LINGO1: variants seen among roughly 807,000 people sequenced by gnomAD.
LINGO1 encodes leucine-rich repeat and immunoglobulin-like domain-containing nogo receptor-interacting protein 1.
LINGO1 carries 11 observed loss-of-function variants against 37.3 expected under a neutral mutation model. That is an observed-to-expected ratio of 0.29 (90% CI 0.19 to 0.49). LINGO1 has a LOEUF of 0.49. Ranked by LOEUF, LINGO1 falls within the 20% of genes least tolerant of loss-of-function variation. The pLI is 0.99. For missense variants in LINGO1, 585 were observed against 878.2 expected, an observed-to-expected ratio of 0.67 and a Z score of 4.22; for synonymous variants, 387 against 403.0, an observed-to-expected ratio of 0.96 and a Z score of 0.48.
chr15:77,709,316 C>G (rs1406978230), intron 2 of LINGO1, among the ~76,000 whole-genome samples: 2 of 152,206 alleles, frequency 1.3e-5, no homozygotes, highest in African/African-American at 4.8e-5. Context: ...GCCCCCAGTA[C>G]TCTGGACAGC....
chr15:77,650,339 G>A (rs1350045854), intron 3 of LINGO1, among the ~76,000 whole-genome samples: 1 of 152,234 alleles, frequency 6.6e-6, no homozygotes, highest in Non-Finnish European at 1.5e-5. Context: ...TACATATTAT[G>A]TGTCGAAAGG....
At chr15:77,723,318 AG>A (rs2076069813) in intron 2 of LINGO1, among the ~76,000 whole-genome samples, 2 of 152,210 alleles carry the variant, frequency 1.3e-5, no homozygotes, top group African/African-American at 4.8e-5. Context: ...GTAAGCAGGC[AG>A]GCCTCCTGCT....
chr15:77,777,886 G>GT (rs2076677396), intron 1 of LINGO1, among the ~76,000 whole-genome samples: 1 of 140,952 alleles, frequency 7.1e-6, no homozygotes, highest in African/African-American at 2.5e-5. Flanking sequence ...TTGTGCCACT[G>GT]TATTTCCTGT....
chr15:77,723,828 G>T (rs1468314823), intron 2 of LINGO1, among the ~76,000 whole-genome samples: 1 of 152,214 alleles, frequency 6.6e-6, no homozygotes, highest in Non-Finnish European at 1.5e-5. Flanking sequence ...CACAGGTGGG[G>T]GAGGGGGCAA....
chr15:77,709,216 C>CGT (rs2141289397), intron 2 of LINGO1, among the ~76,000 whole-genome samples: 1 of 152,332 alleles, frequency 6.6e-6, no homozygotes, highest in Admixed American at 6.5e-5. Context: ...GTTCTAACAA[C>CGT]TGCAACTATC....
chr15:77,815,980 G>A (rs1277201561), intron 1 of LINGO1, among the ~76,000 whole-genome samples: 1 of 152,060 alleles, frequency 6.6e-6, no homozygotes, highest in African/African-American at 2.4e-5. Context: ...TGCCAGTGCC[G>A]TGCCATCTTC....
intron 1 of LINGO1, among the ~76,000 whole-genome samples, chr15:77,776,538 G>GCAGTA: frequency 2.9e-5 from 1 of 34,350 alleles, no homozygotes; most frequent in Non-Finnish European, 6.9e-5. Flanking sequence ...GGGAGGGAGG[G>GCAGTA]AGGGAGGGAG....
intron 1 of LINGO1, among the ~76,000 whole-genome samples, chr15:77,763,195 T>G (rs1056251113): frequency 2.0e-5 from 3 of 152,278 alleles, no homozygotes; most frequent in African/African-American, 7.2e-5. Flanking sequence ...TTCGCCTAAT[T>G]AAGCAGTTTA....
intron 1 of LINGO1, among the ~76,000 whole-genome samples, chr15:77,630,413 C>T (rs1278186780): frequency 1.3e-5 from 2 of 152,216 alleles, no homozygotes; most frequent in Non-Finnish European, 2.9e-5. Flanking sequence ...CAACCACCCA[C>T]CTCCACAAGA....
chr15:77,789,706 GGA>G (rs2076803401), upstream of LINGO1, among the ~76,000 whole-genome samples: 1 of 152,224 alleles, frequency 6.6e-6, no homozygotes, highest in Non-Finnish European at 1.5e-5. Context: ...TACAAGCCAA[GGA>G]GAGAGGCCTG....
intron 1 of LINGO1, among the ~76,000 whole-genome samples, chr15:77,754,813 C>T (rs928580025): frequency 5.9e-5 from 9 of 152,222 alleles, no homozygotes; most frequent in African/African-American, 7.2e-5. Flanking sequence ...GTCCGGTAGG[C>T]AGAAGATGGC....
At chr15:77,802,650 C>T (rs897337257) in intron 1 of LINGO1, among the ~76,000 whole-genome samples, 5 of 152,114 alleles carry the variant, frequency 3.3e-5, no homozygotes, top group Admixed American at 1.3e-4. Flanking sequence ...CGTGTTCCAC[C>T]TGCCTCCAGG....
At chr15:77,673,852 G>A (rs1567511791) in intron 3 of LINGO1, among the ~76,000 whole-genome samples, 2 of 152,212 alleles carry the variant, frequency 1.3e-5, no homozygotes, top group Admixed American at 1.3e-4. Context: ...GCTAGGGCTG[G>A]CTCACAGATG....
At chr15:77,723,460 C>T (rs867053241) in intron 2 of LINGO1, among the ~76,000 whole-genome samples, 2 of 152,222 alleles carry the variant, frequency 1.3e-5, no homozygotes, top group South Asian at 2.1e-4. Flanking sequence ...CCGAGGCTGA[C>T]GTCTCTGCGT....
intron 1 of LINGO1, among the ~76,000 whole-genome samples, chr15:77,772,569 C>T (rs72730718): frequency 0.042 from 6,348 of 152,126 alleles, 195 homozygotes; most frequent in Middle Eastern, 0.099. Flanking sequence ...TCCATAGACT[C>T]GGCTGGGGGC....
At chr15:77,617,930 C>T (rs1489798873) in intron 1 of LINGO1, among the ~76,000 whole-genome samples, 1 of 152,214 alleles carries the variant, frequency 6.6e-6, no homozygotes, top group Non-Finnish European at 1.5e-5. Flanking sequence ...CTGACCCTCC[C>T]TTCAGCCCCT....
upstream of LINGO1, among the ~76,000 whole-genome samples, chr15:77,634,913 G>A (rs2074366448): frequency 1.3e-5 from 2 of 152,246 alleles, no homozygotes; most frequent in Admixed American, 1.3e-4. Context: ...TGGGGGGCGG[G>A]GGCGGGGGCG....
At chr15:77,720,384 A>G (rs1246485249) in intron 2 of LINGO1, among the ~76,000 whole-genome samples, 2 of 152,190 alleles carry the variant, frequency 1.3e-5, no homozygotes, top group African/African-American at 4.8e-5. Context: ...CTCTGCCTGC[A>G]TCCGCCCCCA....
At chr15:77,699,772 C>CACCTGCATACAGTAAGCACATACTA (rs1482949650), upstream of LINGO1, among the ~76,000 whole-genome samples, 9 of 150,346 alleles carry the variant, frequency 6.0e-5, no homozygotes, top group African/African-American at 1.2e-4. Flanking sequence ...TACTAACCAT[C>CACCTGCATACAGTAAGCACATACTA]ATTCCCCCCC....
Sources: allele counts gnomAD v4.1 joint callset (sites outside exome capture counted in the v4.1 genomes callset), GRCh38; gene constraint gnomAD v4.1.1; transcripts MANE v1.5; gene names NCBI Gene and HGNC (gene_info 2026-07-23, HGNC 2026-07-21).